The following DLG2 variants were observed in gnomAD, a reference collection of about 807,000 sequenced individuals.
DLG2 encodes the protein disks large homolog 2.
DLG2 carries 45 observed loss-of-function variants against 132.5 expected under a neutral mutation model. The observed-to-expected ratio is 0.34, with a 90% CI of 0.27 to 0.44. DLG2 has a LOEUF of 0.44. Among genes scored for constraint, DLG2 ranks in the 20% least tolerant of loss-of-function variants. The probability of loss-of-function intolerance (pLI) is 1.00; values close to 1 mark genes in which losing one functional copy is unlikely to be tolerated. For missense variants in DLG2, 1,045 were observed against 1,196.9 expected (o/e 0.87, Z 1.87); for synonymous variants, 424 against 419.6 (o/e 1.01, Z -0.13).
chr11:84,214,238 T>C (rs2096800690), intron 8 of DLG2, among the ~76,000 whole-genome samples: 1 of 140,866 alleles, frequency 7.1e-6, no homozygotes, highest in Non-Finnish European at 1.5e-5. Flanking sequence ...TACATATATA[T>C]GAATATATAT....
chr11:85,539,916 T>C (rs565913178), intron 3 of DLG2, among the ~76,000 whole-genome samples: 14 of 152,188 alleles, frequency 9.2e-5, no homozygotes, highest in Non-Finnish European at 1.5e-4. Flanking sequence ...CCTTAAGCAA[T>C]GAATACTCAA....
At chr11:85,507,394 A>T (rs148723890) in intron 3 of DLG2, among the ~76,000 whole-genome samples, 2,200 of 152,250 alleles carry the variant, frequency 0.014, 19 homozygotes, top group Middle Eastern at 0.024. Context: ...GAGCTCTTAT[A>T]AGGCAGACCT....
chr11:85,306,680 C>T (rs573817063), intron 3 of DLG2, among the ~76,000 whole-genome samples: 273 of 152,296 alleles, frequency 1.8e-3, no homozygotes, highest in Non-Finnish European at 3.2e-3. Context: ...AGGCCATTCT[C>T]CTGCCTCAGC....
At chr11:84,574,516 T>C (rs1486678180) in intron 6 of DLG2, among the ~76,000 whole-genome samples, 1 of 152,196 alleles carries the variant, frequency 6.6e-6, no homozygotes, top group Non-Finnish European at 1.5e-5. Flanking sequence ...GTTTTACATT[T>C]TGTAGAAAAT....
At chr11:84,359,841 C>A (rs1004369911) in intron 7 of DLG2, among the ~76,000 whole-genome samples, 5 of 151,926 alleles carry the variant, frequency 3.3e-5, no homozygotes, top group African/African-American at 1.2e-4. Context: ...ATTATGCTTT[C>A]TCCACAGTAA....
intron 18 of DLG2, chr11:83,651,724 T>G (rs2070529575): frequency 5.4e-6 from 2 of 370,844 alleles, no homozygotes; most frequent in Non-Finnish European, 1.2e-5. Context: ...CCCTCGGAAG[T>G]CTACTTTATA....
chr11:85,223,018 C>T (rs1029965921), intron 4 of DLG2, among the ~76,000 whole-genome samples: 3 of 152,146 alleles, frequency 2.0e-5, no homozygotes, highest in African/African-American at 4.8e-5. Flanking sequence ...AACCTGGAAC[C>T]TAAAGCAGCA....
intron 6 of DLG2, among the ~76,000 whole-genome samples, chr11:84,715,429 A>G (rs1435280162): frequency 2.0e-5 from 3 of 152,072 alleles, no homozygotes; most frequent in Admixed American, 6.6e-5. Flanking sequence ...AATTTCTGGT[A>G]TACAATCCAA....
At chr11:84,599,583 A>G (rs924445462) in intron 6 of DLG2, among the ~76,000 whole-genome samples, 4 of 152,202 alleles carry the variant, frequency 2.6e-5, no homozygotes, top group South Asian at 2.1e-4. Flanking sequence ...ATGAAGAAGG[A>G]AATAGGATGC....
chr11:85,472,422 C>T (rs2153077884), intron 3 of DLG2, among the ~76,000 whole-genome samples: 1 of 152,304 alleles, frequency 6.6e-6, no homozygotes, highest in Admixed American at 6.5e-5. Flanking sequence ...CTGCCTCAGC[C>T]TCCCGAGTAG....
intron 3 of DLG2, among the ~76,000 whole-genome samples, chr11:85,320,106 T>C (rs1417968576): frequency 1.3e-5 from 2 of 151,884 alleles, no homozygotes; most frequent in Non-Finnish European, 3.0e-5. Flanking sequence ...GCACATGCCA[T>C]CTTATAGACT....
intron 6 of DLG2, among the ~76,000 whole-genome samples, chr11:84,846,544 C>CA (rs1293920560): frequency 2.0e-5 from 3 of 152,106 alleles, no homozygotes; most frequent in Non-Finnish European, 1.5e-5. Context: ...TGTGATACAT[C>CA]AAAAATGTCA....
At chr11:84,814,416 C>A (rs1413525484) in intron 6 of DLG2, among the ~76,000 whole-genome samples, 1 of 152,060 alleles carries the variant, frequency 6.6e-6, no homozygotes, top group African/African-American at 2.4e-5. Context: ...CCAGAGTGAT[C>A]AATCCAAAAC....
chr11:85,101,584 A>C (rs1177651576), intron 6 of DLG2, among the ~76,000 whole-genome samples: 2 of 152,054 alleles, frequency 1.3e-5, no homozygotes, highest in African/African-American at 2.4e-5. Context: ...TTTTTTTGAC[A>C]CAGAAACAGA....
chr11:83,937,201 T>C (rs551308709), intron 14 of DLG2, among the ~76,000 whole-genome samples: 33 of 152,122 alleles, frequency 2.2e-4, no homozygotes, highest in South Asian at 8.3e-4. Flanking sequence ...AGATGAGAGA[T>C]TTGACTACAT....
chr11:84,517,588 A>G (rs1428576640), intron 7 of DLG2, among the ~76,000 whole-genome samples: 2 of 151,984 alleles, frequency 1.3e-5, no homozygotes, highest in Non-Finnish European at 1.5e-5. Flanking sequence ...GAGTATATAG[A>G]GCTTCTTCAA....
chr11:84,831,298 G>A (rs1226640958), intron 6 of DLG2, among the ~76,000 whole-genome samples: 1 of 151,496 alleles, frequency 6.6e-6, no homozygotes, highest in Non-Finnish European at 1.5e-5. Flanking sequence ...TTGTTTCTAT[G>A]TCATCTCTTA....
At chr11:83,836,728 C>T (rs933316510) in intron 16 of DLG2, among the ~76,000 whole-genome samples, 17 of 152,268 alleles carry the variant, frequency 1.1e-4, no homozygotes, top group African/African-American at 3.1e-4. Context: ...AGAGAGACAA[C>T]GGTGCATTAA....
chr11:83,665,414 C>T (rs574214043), intron 18 of DLG2, among the ~76,000 whole-genome samples: 1 of 152,280 alleles, frequency 6.6e-6, no homozygotes, highest in East Asian at 1.9e-4. Flanking sequence ...AAGAGTTAAA[C>T]CAGCAAACAG....
Sources: allele counts gnomAD v4.1 joint callset (sites outside exome capture counted in the v4.1 genomes callset), GRCh38; gene constraint gnomAD v4.1.1; transcripts MANE v1.5; gene names NCBI Gene and HGNC (gene_info 2026-07-23, HGNC 2026-07-21).